Variants in ERI3 observed in about 807,000 individuals in gnomAD.
ERI3 encodes ERI1 exoribonuclease 3.
In ERI3, 18 loss-of-function variants were observed where a neutral mutation model predicts 44.4. The ratio of observed to expected loss-of-function variants is 0.41; its 90% CI spans 0.28 to 0.60. The LOEUF is 0.60. Ranked by LOEUF, ERI3 falls within the 20% of genes least tolerant of loss-of-function variation. ERI3 has a pLI of 0.36. For synonymous variants in ERI3, 183 were observed against 164.8 expected, an observed-to-expected ratio of 1.11 and a Z score of -0.84; for missense variants, 294 against 435.5, an observed-to-expected ratio of 0.68 and a Z score of 2.89.
chr1:44,298,456 C>T (rs1250800295), intron 6 of ERI3, among the ~76,000 whole-genome samples: 1 of 152,108 alleles, frequency 6.6e-6, no homozygotes, highest in Admixed American at 6.5e-5. Flanking sequence ...ATTCAGCAAA[C>T]ATATACTAAA....
chr1:44,287,781 G>T (rs974290511), intron 6 of ERI3, among the ~76,000 whole-genome samples: 1 of 152,186 alleles, frequency 6.6e-6, no homozygotes, highest in Non-Finnish European at 1.5e-5. Flanking sequence ...TCATATTTGT[G>T]GAAATGCTTG....
At chr1:44,352,437 GATA>G (rs1471697949) in intron 2 of ERI3, among the ~76,000 whole-genome samples, 7 of 151,664 alleles carry the variant, frequency 4.6e-5, no homozygotes, top group African/African-American at 1.7e-4. Context: ...TAGATAGATA[GATA>G]GATAGATAGA....
At chr1:44,321,077 G>A (rs1646192331) in intron 3 of ERI3, among the ~76,000 whole-genome samples, 2 of 152,076 alleles carry the variant, frequency 1.3e-5, no homozygotes, top group African/African-American at 4.8e-5. Flanking sequence ...GAAATTGATG[G>A]GTGGGAAAAC....
rs10574197 is a variant in ERI3 at position 44,281,878 on chromosome 1, ATGTGTGTGTGTGTG to A, written c.831+2943_831+2956del. ...CATGTGTATATTTATACATGTGCAT[ATGTGTGTGTGTGTG>A]TGTGTGTGTGTGTGTGTGTGTGTGT... On this transcript the variant is annotated intron_variant, in intron 7 of 8. Coordinates refer to ENST00000372257, the MANE Select transcript of ERI3 (RefSeq NM_024066.3). 2.5e-3 allele frequency among the ~76,000 whole-genome samples: 319 copies of A among 127,020 alleles called. 4 individuals are homozygous for A. In the South Asian group the frequency reaches 0.026, roughly 10 times the overall value. The allele number at this position is 127,020 out of a possible 152,430, so 83.3% of individuals were successfully genotyped here.
chr1:44,286,144 A>G (rs1051486381), intron 6 of ERI3, among the ~76,000 whole-genome samples: 3 of 152,162 alleles, frequency 2.0e-5, no homozygotes, highest in Admixed American at 1.3e-4. Context: ...TGGCATGGAG[A>G]GCCTATGTGA....
At chr1:44,298,569 T>C (rs1372221374) in intron 6 of ERI3, among the ~76,000 whole-genome samples, 2 of 152,174 alleles carry the variant, frequency 1.3e-5, no homozygotes, top group Non-Finnish European at 2.9e-5. Context: ...AAGCCTAAAT[T>C]CTTGATACAT....
chr1:44,251,506 A>G (rs1189757256), intron 7 of ERI3, among the ~76,000 whole-genome samples: 1 of 152,192 alleles, frequency 6.6e-6, no homozygotes, highest in Non-Finnish European at 1.5e-5. Context: ...GACCCATCAG[A>G]GCAGGAGGAT....
rs1015148368 is a variant in ERI3 at position 44,269,736 on chromosome 1, T to G, written c.831+15099A>C. Reference sequence around the variant, plus strand: ...CAGTTCAAACCAGGCCAGACTGCCTTCAGGTGGTATCTGCTATGGGCCAAG... The same window carrying G: ...CAGTTCAAACCAGGCCAGACTGCCTGCAGGTGGTATCTGCTATGGGCCAAG... On this transcript the variant is annotated intron_variant, in intron 7 of 8. Coordinates refer to ENST00000372257, the MANE Select transcript of ERI3 (RefSeq NM_024066.3). 2.6e-5 allele frequency among the ~76,000 whole-genome samples: 4 copies of G among 152,194 alleles called. No homozygotes were observed. The East Asian group carries it at 7.7e-4, about 29-fold the overall frequency.
At chr1:44,261,117 C>T (rs1320571383) in intron 7 of ERI3, among the ~76,000 whole-genome samples, 1 of 152,220 alleles carries the variant, frequency 6.6e-6, no homozygotes, top group Non-Finnish European at 1.5e-5. Context: ...TTTGAGAACT[C>T]GACAGGCCTC....
At chr1:44,266,698 TG>T (rs1177107724) in intron 7 of ERI3, among the ~76,000 whole-genome samples, 2 of 152,236 alleles carry the variant, frequency 1.3e-5, no homozygotes, top group African/African-American at 2.4e-5. Flanking sequence ...TGAAAATGAA[TG>T]AATGAATGGC....
intron 4 of ERI3, among the ~76,000 whole-genome samples, chr1:44,317,764 G>C (rs543197542): frequency 6.6e-6 from 1 of 152,220 alleles, no homozygotes; most frequent in Non-Finnish European, 1.5e-5. Flanking sequence ...AGTTGGCGGG[G>C]AGAGTGGGAA....
intron 6 of ERI3, among the ~76,000 whole-genome samples, chr1:44,285,494 G>A (rs1044268347): frequency 6.6e-6 from 1 of 152,226 alleles, no homozygotes; most frequent in Non-Finnish European, 1.5e-5. Flanking sequence ...CTGGCTACAG[G>A]TTTGTTTCAG....
At chr1:44,283,985 C>T (rs1342441520) in intron 7 of ERI3, 1 of 470,322 alleles carries the variant, frequency 2.1e-6, no homozygotes, top group Non-Finnish European at 4.4e-6. Context: ...GGAGCCACTA[C>T]CTTGACCCCC....
intron 2 of ERI3, among the ~76,000 whole-genome samples, chr1:44,342,795 T>G (rs1218735461): frequency 4.7e-5 from 5 of 107,088 alleles, no homozygotes; most frequent in African/African-American, 1.4e-4. Flanking sequence ...CACAGGCATG[T>G]GCCACCACAT....
chr1:44,289,084 G>T (rs945158722), intron 6 of ERI3, among the ~76,000 whole-genome samples: 2 of 152,188 alleles, frequency 1.3e-5, no homozygotes, highest in African/African-American at 4.8e-5. Flanking sequence ...GAAATTTTAT[G>T]CACCGAGTCC....
rs1355596460 is a variant in ERI3 at position 44,228,908 on chromosome 1, A to G, written c.932-7268T>C. Among the ~76,000 whole-genome samples, 1 of 152,232 alleles carries G rather than the reference A, an allele frequency of 6.6e-6. No individual in the cohort carries two copies. Among genetic ancestry groups the G allele is most frequent in the Non-Finnish European group, 1.5e-5 (1 of 68,038 alleles). On this transcript the variant is annotated intron_variant, in intron 8 of 8. Transcript: ENST00000372257. The surrounding 1 kb of genome is among the most constrained non-coding windows in gnomAD (Gnocchi z 4.3). ...AAGACAAACCCTTATCCAGACTCCC[A>G]GGCCTGGCAGGACATGTCAACGTCA...
intron 8 of ERI3, among the ~76,000 whole-genome samples, chr1:44,225,028 T>C (rs939690716): frequency 6.6e-6 from 1 of 152,160 alleles, no homozygotes; most frequent in Non-Finnish European, 1.5e-5. Context: ...GGGCTTTTAA[T>C]AGGCCAAAAA....
chr1:44,330,197 C>T (rs545313983), intron 3 of ERI3, among the ~76,000 whole-genome samples: 118 of 152,308 alleles, frequency 7.7e-4, no homozygotes, highest in African/African-American at 2.6e-3. Context: ...AACTGTACCC[C>T]CATTGTAGAG....
intron 6 of ERI3, among the ~76,000 whole-genome samples, chr1:44,289,769 C>A (rs1645466652): frequency 6.6e-6 from 1 of 152,256 alleles, no homozygotes; most frequent in Admixed American, 6.5e-5. Context: ...GGGAACACCC[C>A]CCTCGCTAAT....
Sources: allele counts gnomAD v4.1 joint callset (sites outside exome capture counted in the v4.1 genomes callset), GRCh38; gene constraint gnomAD v4.1.1; non-coding constraint Gnocchi (gnomAD v3.1); transcripts MANE v1.5; gene names NCBI Gene and HGNC (gene_info 2026-07-23, HGNC 2026-07-21).